COLEC10: variants seen among roughly 807,000 people sequenced by gnomAD.
COLEC10 encodes the protein collectin subfamily member 10.
A neutral mutation model predicts 28.4 loss-of-function variants in COLEC10; 22 were observed. The ratio of observed to expected loss-of-function variants is 0.78; its 90% CI spans 0.55 to 1.11. The LOEUF is 1.11. Among genes scored for constraint, COLEC10 ranks in the 50% least tolerant of loss-of-function variants. The pLI, the probability that COLEC10 is intolerant of heterozygous loss-of-function variation, is 0.00. For missense variants in COLEC10, 361 were observed against 344.1 expected, an observed-to-expected ratio of 1.05 and a Z score of -0.39; for synonymous variants, 125 against 116.1, an observed-to-expected ratio of 1.08 and a Z score of -0.49.
chr8:118,960,580 C>T, the COLEC10 span, among the ~76,000 whole-genome samples: 1 of 151,826 alleles, frequency 6.6e-6, no homozygotes, highest in African/African-American at 2.4e-5. Context: ...GTCGAGAGAT[C>T]GAGACCATCC....
At chr8:118,999,446 C>T (rs1296954409) in intron 1 of COLEC10, among the ~76,000 whole-genome samples, 3 of 151,970 alleles carry the variant, frequency 2.0e-5, no homozygotes, top group African/African-American at 7.2e-5. Context: ...CAAAAATTAG[C>T]CAGGCATGGT....
chr8:119,036,910 G>A (rs992542347), intron 2 of COLEC10, among the ~76,000 whole-genome samples: 35 of 152,140 alleles, frequency 2.3e-4, no homozygotes, highest in African/African-American at 8.0e-4. Flanking sequence ...AGGTCACCTG[G>A]AGAGAAGCAG....
upstream of COLEC10, among the ~76,000 whole-genome samples, chr8:119,065,725 G>T (rs1262953336): frequency 6.6e-6 from 1 of 151,726 alleles, no homozygotes; most frequent in Non-Finnish European, 1.5e-5. Context: ...AGGTGCAGTG[G>T]TGTACACCTG....
chr8:119,041,123 G>T (rs1230108459), intron 2 of COLEC10, among the ~76,000 whole-genome samples: 1 of 152,176 alleles, frequency 6.6e-6, no homozygotes, highest in Non-Finnish European at 1.5e-5. Context: ...TTGTCTAAGG[G>T]TCTACTTCTG....
At chr8:118,954,801 A>C in the COLEC10 span, among the ~76,000 whole-genome samples, 3 of 152,204 alleles carry the variant, frequency 2.0e-5, no homozygotes, top group Non-Finnish European at 4.4e-5. Flanking sequence ...ATGGTGCCTG[A>C]ATATTAGGAG....
intron 2 of COLEC10, among the ~76,000 whole-genome samples, chr8:119,053,197 AGGG>A (rs1182847267): frequency 6.6e-6 from 1 of 152,102 alleles, no homozygotes; most frequent in Admixed American, 6.6e-5. Context: ...AAACCGTAAA[AGGG>A]GGGACTATGT....
the COLEC10 span, among the ~76,000 whole-genome samples, chr8:118,984,172 T>C: frequency 1.3e-5 from 2 of 151,934 alleles, no homozygotes; most frequent in African/African-American, 2.4e-5. Context: ...AATGAGATCA[T>C]GTCCTTTGCA....
At position 119,093,468 on chromosome 8, in the gene COLEC10, C is replaced by T. The variant is rs1468917284; in HGVS notation, c.292+2248C>T. ...CTGGGGAAGAGCAATATGAGCTTCC[C>T]ATGGTTCAGAAGTCCTGCTGCAGTG... On this transcript the variant is annotated intron_variant, in intron 3 of 5. Transcript: ENST00000332843. Among the ~76,000 whole-genome samples, 3 of 152,218 alleles carry T rather than the reference C, an allele frequency of 2.0e-5. No individual in the cohort carries two copies. In the East Asian group the frequency reaches 5.8e-4, roughly 29 times the overall value.
intron 2 of COLEC10, among the ~76,000 whole-genome samples, chr8:119,009,952 C>T (rs1352298491): frequency 6.6e-6 from 1 of 150,774 alleles, no homozygotes; most frequent in Non-Finnish European, 1.5e-5. Flanking sequence ...ACATCCCATG[C>T]ACAGTCTCTC....
intron 2 of COLEC10, among the ~76,000 whole-genome samples, chr8:119,051,617 A>G (rs1354182229): frequency 1.3e-5 from 2 of 152,240 alleles, no homozygotes; most frequent in Non-Finnish European, 2.9e-5. Flanking sequence ...ATGAATACGC[A>G]GTAGATAAAA....
intron 1 of COLEC10, among the ~76,000 whole-genome samples, chr8:119,069,421 C>G (rs994658210): frequency 6.6e-6 from 1 of 150,530 alleles, no homozygotes; most frequent in Admixed American, 6.6e-5. Context: ...ATAAAGAGAC[C>G]CCATCTCTAC....
At chr8:118,974,514 A>T in the COLEC10 span, among the ~76,000 whole-genome samples, 1 of 151,968 alleles carries the variant, frequency 6.6e-6, no homozygotes, top group Non-Finnish European at 1.5e-5. Context: ...TGTCTTATCA[A>T]GCAACTTTGT....
At chr8:118,960,968 G>A in the COLEC10 span, among the ~76,000 whole-genome samples, 2 of 151,938 alleles carry the variant, frequency 1.3e-5, no homozygotes, top group East Asian at 3.8e-4. Context: ...TAAGAATAAT[G>A]TCCTTACTCA....
At chr8:118,985,357 G>A in the COLEC10 span, among the ~76,000 whole-genome samples, 1 of 152,000 alleles carries the variant, frequency 6.6e-6, no homozygotes, top group African/African-American at 2.4e-5. Context: ...TCATGATTCT[G>A]CGATGATCAC....
intron 2 of COLEC10, among the ~76,000 whole-genome samples, chr8:119,021,540 T>C (rs550238873): frequency 2.6e-5 from 4 of 152,260 alleles, no homozygotes; most frequent in African/African-American, 9.6e-5. Context: ...GGGAGAGGAA[T>C]GGAATAGACA....
intron 1 of COLEC10, among the ~76,000 whole-genome samples, chr8:118,998,260 G>C (rs559212774): frequency 1.6e-4 from 25 of 152,132 alleles, no homozygotes; most frequent in Non-Finnish European, 3.5e-4. Flanking sequence ...ATATTTCCCA[G>C]AGACAGTAAA....
chr8:118,982,167 A>T, the COLEC10 span, among the ~76,000 whole-genome samples: 1 of 152,070 alleles, frequency 6.6e-6, no homozygotes, highest in Non-Finnish European at 1.5e-5. Context: ...ATACTTACCT[A>T]TCTAATGCTT....
chr8:119,066,824 C>T (rs577866783), upstream of COLEC10, among the ~76,000 whole-genome samples: 1 of 152,280 alleles, frequency 6.6e-6, no homozygotes, highest in African/African-American at 2.4e-5. Flanking sequence ...TCAACAGGCA[C>T]AAGCAGGTAA....
At chr8:119,085,090 G>A (rs1236188667) in intron 1 of COLEC10, among the ~76,000 whole-genome samples, 3 of 152,206 alleles carry the variant, frequency 2.0e-5, no homozygotes, top group African/African-American at 7.2e-5. Context: ...TTTTGGATGA[G>A]AAAACTGAGA....
Sources: allele counts gnomAD v4.1 joint callset (sites outside exome capture counted in the v4.1 genomes callset), GRCh38; gene constraint gnomAD v4.1.1; transcripts MANE v1.5; gene names NCBI Gene and HGNC (gene_info 2026-07-23, HGNC 2026-07-21).